Variants in CTNNA3 observed in about 807,000 individuals in gnomAD.
CTNNA3 encodes the protein catenin alpha-3.
In CTNNA3, 76 loss-of-function variants were observed where a neutral mutation model predicts 95.7. The observed-to-expected ratio is 0.79, with a 90% confidence interval of 0.66 to 0.96. The LOEUF is 0.96. Among genes scored for constraint, CTNNA3 ranks in the 40% least tolerant of loss-of-function variants. The probability of loss-of-function intolerance (pLI) is 0.00; values close to 1 mark genes in which losing one functional copy is unlikely to be tolerated. For synonymous variants in CTNNA3, 431 were observed against 374.4 expected (o/e 1.15, Z -1.74); for missense variants, 1,191 against 1,089.8 (o/e 1.09, Z -1.31).
intron 9 of CTNNA3, among the ~76,000 whole-genome samples, chr10:66,693,464 G>A (rs1400030547): frequency 6.6e-6 from 1 of 150,566 alleles, no homozygotes; most frequent in Non-Finnish European, 1.5e-5. Context: ...CATAAAGCAA[G>A]TCCTGAGTGA....
At chr10:67,091,973 T>C (rs1029690925) in intron 7 of CTNNA3, among the ~76,000 whole-genome samples, 4 of 151,964 alleles carry the variant, frequency 2.6e-5, no homozygotes, top group African/African-American at 9.7e-5. Context: ...TATATGTTAG[T>C]AGGTAGAAAT....
intron 13 of CTNNA3, among the ~76,000 whole-genome samples, chr10:66,274,197 A>G (rs1453519856): frequency 6.6e-6 from 1 of 151,804 alleles, no homozygotes; most frequent in Non-Finnish European, 1.5e-5. Flanking sequence ...GCACAGAGTC[A>G]TAGATATAAA....
At chr10:66,606,289 C>A (rs909088638) in intron 10 of CTNNA3, among the ~76,000 whole-genome samples, 1 of 152,028 alleles carries the variant, frequency 6.6e-6, no homozygotes, top group African/African-American at 2.4e-5. Context: ...TCTCTGAGAC[C>A]TTCAGAATCT....
chr10:66,932,234 G>A (rs1847444114), intron 7 of CTNNA3, among the ~76,000 whole-genome samples: 2 of 152,210 alleles, frequency 1.3e-5, no homozygotes, highest in Admixed American at 1.3e-4. Flanking sequence ...GGATAATGCA[G>A]AGTCAGATTC....
intron 4 of CTNNA3, among the ~76,000 whole-genome samples, chr10:67,528,836 TG>T (rs1243033018): frequency 9.9e-5 from 15 of 152,152 alleles, no homozygotes; most frequent in Non-Finnish European, 2.1e-4. Flanking sequence ...CAGAGATAAC[TG>T]GAAAGATGCT....
intron 5 of CTNNA3, among the ~76,000 whole-genome samples, chr10:67,512,118 A>T (rs894412281): frequency 1.4e-4 from 22 of 152,198 alleles, no homozygotes; most frequent in African/African-American, 5.3e-4. Flanking sequence ...ATAGATATAT[A>T]AAAAGGTGCT....
At chr10:67,251,037 T>A (rs1671946472) in intron 5 of CTNNA3, among the ~76,000 whole-genome samples, 1 of 152,222 alleles carries the variant, frequency 6.6e-6, no homozygotes, top group Admixed American at 6.5e-5. Flanking sequence ...ACATGAATGT[T>A]TATGGCAGCA....
At chr10:66,537,496 G>A (rs1023755108) in intron 10 of CTNNA3, among the ~76,000 whole-genome samples, 14 of 151,562 alleles carry the variant, frequency 9.2e-5, no homozygotes, top group African/African-American at 3.4e-4. Context: ...AGGCAAACTT[G>A]TATGACCTCA....
intron 11 of CTNNA3, among the ~76,000 whole-genome samples, chr10:66,438,932 C>T (rs1045396745): frequency 7.2e-5 from 11 of 152,104 alleles, no homozygotes; most frequent in Non-Finnish European, 1.2e-4. Flanking sequence ...CATGGCTTCC[C>T]TTGGCTAGGG....
intron 17 of CTNNA3, among the ~76,000 whole-genome samples, chr10:65,949,284 G>C (rs537018242): frequency 6.6e-6 from 1 of 152,302 alleles, no homozygotes; most frequent in East Asian, 1.9e-4. Context: ...TACTAACCAT[G>C]TGACATTTGG....
At chr10:66,555,331 A>C (rs1005943995) in intron 10 of CTNNA3, among the ~76,000 whole-genome samples, 2 of 152,168 alleles carry the variant, frequency 1.3e-5, no homozygotes, top group African/African-American at 4.8e-5. Context: ...CCAGAACTGC[A>C]AATGCCATTA....
intron 11 of CTNNA3, among the ~76,000 whole-genome samples, chr10:66,399,204 A>G (rs996474080): frequency 6.6e-6 from 1 of 150,944 alleles, no homozygotes; most frequent in African/African-American, 2.4e-5. Flanking sequence ...TTATAGTATT[A>G]TTCACACCAG....
At chr10:67,370,860 G>GTTTTTTTTTTTTTTTTTTTTTTT (rs897049286) in intron 5 of CTNNA3, among the ~76,000 whole-genome samples, 1 of 144,564 alleles carries the variant, frequency 6.9e-6, no homozygotes, top group African/African-American at 2.7e-5. Flanking sequence ...TTAAGAGGAA[G>GTTTTTTTTTTTTTTTTTTTTTTT]TTTTTTTTGT....
At chr10:66,674,206 A>G (rs1039376031) in intron 9 of CTNNA3, among the ~76,000 whole-genome samples, 2 of 151,322 alleles carry the variant, frequency 1.3e-5, no homozygotes, top group Non-Finnish European at 2.9e-5. Flanking sequence ...ATATGGGATA[A>G]CTCCTTGGGT....
Position 66,949,569 on chromosome 10 carries a change from A to T in CTNNA3, c.1048-174045T>A, listed in dbSNP as rs867119887. On this transcript the variant is annotated intron_variant, in intron 7 of 17. Transcript: ENST00000433211. ...GCAAAACTCCATCTCAAAATAAAAA[A>T]AAAAAAAAGTCACTATGGCCAATAT... Among the ~76,000 whole-genome samples, 1,142 of 152,248 alleles carry T rather than the reference A, an allele frequency of 7.5e-3. 17 individuals carry two copies. The highest frequency in any genetic ancestry group is 0.026 in the African/African-American group (1,089 of 41,552).
At chr10:67,700,045 C>G (rs184917495), upstream of CTNNA3, among the ~76,000 whole-genome samples, 186 of 152,372 alleles carry the variant, frequency 1.2e-3, no homozygotes, top group African/African-American at 4.3e-3. Flanking sequence ...TGAGATCAAA[C>G]TGCAAGGCAG....
intron 7 of CTNNA3, among the ~76,000 whole-genome samples, chr10:67,104,340 A>T (rs1209988035): frequency 6.6e-6 from 1 of 151,888 alleles, no homozygotes; most frequent in Non-Finnish European, 1.5e-5. Context: ...CACAGATGAT[A>T]TGGGATCTGG....
At chr10:67,651,698 A>G (rs1478757362) in intron 1 of CTNNA3, among the ~76,000 whole-genome samples, 1 of 152,212 alleles carries the variant, frequency 6.6e-6, no homozygotes, top group Non-Finnish European at 1.5e-5. Flanking sequence ...ATATATCATG[A>G]AGAGGCTTTT....
chr10:66,958,038 G>A (rs994176788), intron 7 of CTNNA3, among the ~76,000 whole-genome samples: 6 of 151,988 alleles, frequency 3.9e-5, no homozygotes, highest in Non-Finnish European at 7.4e-5. Context: ...GGGGCCAAAA[G>A]CAGTTATTGA....
Sources: allele counts gnomAD v4.1 joint callset (sites outside exome capture counted in the v4.1 genomes callset), GRCh38; gene constraint gnomAD v4.1.1; transcripts MANE v1.5; gene names NCBI Gene and HGNC (gene_info 2026-07-23, HGNC 2026-07-21).